Variants in ANO6 observed in about 807,000 individuals in gnomAD.
The protein encoded by ANO6 is anoctamin 6.
In ANO6, 106 loss-of-function variants were observed where a neutral mutation model predicts 117.5. The observed-to-expected ratio is 0.90, with a 90% CI of 0.77 to 1.06. The LOEUF (loss-of-function observed/expected upper bound fraction) is 1.06. ANO6 is among the 50% of genes least tolerant of loss of function. ANO6 has a pLI of 0.00. For synonymous variants in ANO6, 367 were observed against 385.1 expected, an observed-to-expected ratio of 0.95 and a Z score of 0.55; for missense variants, 955 against 1,121.1, an observed-to-expected ratio of 0.85 and a Z score of 2.12.
chr12:45,347,391 A>G (rs949335278), intron 4 of ANO6: 2 of 370,934 alleles, frequency 5.4e-6, no homozygotes, highest in African/African-American at 2.1e-5. Flanking sequence ...ATGGTAAAAA[A>G]TTAGAAAACA....
chr12:45,417,260 T>C (rs35634751), intron 17 of ANO6, among the ~76,000 whole-genome samples: 21,392 of 152,154 alleles, frequency 0.14, 2,202 homozygotes, highest in East Asian at 0.35. Context: ...AATCTGTTCA[T>C]TTAGAGTTTG....
intron 3 of ANO6, among the ~76,000 whole-genome samples, chr12:45,345,947 G>C (rs1941119455): frequency 6.6e-6 from 1 of 150,686 alleles, no homozygotes; most frequent in African/African-American, 2.4e-5. Context: ...CCCCCACGGT[G>C]GTGGGGGAGA....
intron 9 of ANO6, among the ~76,000 whole-genome samples, chr12:45,374,883 G>T (rs1356591456): frequency 6.6e-6 from 1 of 152,114 alleles, no homozygotes; most frequent in African/African-American, 2.4e-5. Flanking sequence ...GAAATAAAGG[G>T]TATTCAATTA....
At chr12:45,219,756 C>T (rs1266286506) in intron 1 of ANO6, among the ~76,000 whole-genome samples, 1 of 152,124 alleles carries the variant, frequency 6.6e-6, no homozygotes, top group Non-Finnish European at 1.5e-5. Context: ...AAGTTACAGC[C>T]AGCAGAAATT....
At chr12:45,231,029 C>G (rs1232706605) in intron 1 of ANO6, among the ~76,000 whole-genome samples, 1 of 152,090 alleles carries the variant, frequency 6.6e-6, no homozygotes, top group Non-Finnish European at 1.5e-5. Flanking sequence ...ACTGCTTGAG[C>G]CCAGGAGGCG....
At chr12:45,325,066 G>A (rs1940413772) in intron 2 of ANO6, among the ~76,000 whole-genome samples, 1 of 152,186 alleles carries the variant, frequency 6.6e-6, no homozygotes, top group Non-Finnish European at 1.5e-5. Context: ...ATCAGAGGAT[G>A]AGCAGAGGGG....
intron 19 of ANO6, among the ~76,000 whole-genome samples, chr12:45,424,020 GTTCT>G (rs1211885924): frequency 6.6e-6 from 1 of 150,520 alleles, no homozygotes; most frequent in Non-Finnish European, 1.5e-5. Context: ...ACTTATACTA[GTTCT>G]TTTTTTTTTT....
At chr12:45,348,746 A>G (rs928101182) in intron 6 of ANO6, 115 bp downstream of exon 6, 6 of 792,746 alleles carry the variant, frequency 7.6e-6, no homozygotes, top group Admixed American at 5.7e-5. Flanking sequence ...TGAAGGGAAC[A>G]TACTGCAAGA....
chr12:45,375,272 A>T (rs1334054395), intron 9 of ANO6, among the ~76,000 whole-genome samples: 1 of 152,220 alleles, frequency 6.6e-6, no homozygotes, highest in Admixed American at 6.5e-5. Context: ...GAAAATGGCC[A>T]TACTTCCCAA....
intron 18 of ANO6, among the ~76,000 whole-genome samples, chr12:45,422,342 C>T (rs1296495150): frequency 1.3e-5 from 2 of 152,066 alleles, no homozygotes; most frequent in Non-Finnish European, 2.9e-5. Flanking sequence ...ATCCCCAAAA[C>T]AGGAATTGTT....
At chr12:45,371,816 A>G (rs1941846602) in intron 9 of ANO6, among the ~76,000 whole-genome samples, 3 of 152,240 alleles carry the variant, frequency 2.0e-5, no homozygotes, top group Non-Finnish European at 2.9e-5. Flanking sequence ...CTCCTCCTCC[A>G]AAGGAACGCA....
At chr12:45,414,767 CT>C (rs1943172024) in intron 16 of ANO6, among the ~76,000 whole-genome samples, 5 of 152,066 alleles carry the variant, frequency 3.3e-5, no homozygotes, top group Admixed American at 6.6e-5. Context: ...TTCAGCTTTT[CT>C]TTTCTTTCTT....
rs539410084 is a variant in ANO6 at position 45,261,397 on chromosome 12, T to C, written c.71-40617T>C. Among the ~76,000 whole-genome samples the C allele has an allele frequency of 7.2e-5, 11 of 151,754 alleles. No individual in the cohort carries two copies. In the South Asian group the frequency reaches 2.1e-3, roughly 29 times the overall value. On this transcript the variant is annotated intron_variant, in intron 1 of 19. Coordinates refer to ENST00000320560, the MANE Select transcript of ANO6 (RefSeq NM_001025356.3). ...ATCTAAAGAGGGGAAAGGAAGGAAATTAATGATATTGATTGGACAACTGCT... is the reference window on the plus strand; with the variant it reads ...ATCTAAAGAGGGGAAAGGAAGGAAACTAATGATATTGATTGGACAACTGCT...
At chr12:45,220,211 C>T (rs75200127) in intron 1 of ANO6, among the ~76,000 whole-genome samples, 1 of 152,048 alleles carries the variant, frequency 6.6e-6, no homozygotes, top group Non-Finnish European at 1.5e-5. Flanking sequence ...TCAGACTGTT[C>T]AGATAATGAG....
intron 1 of ANO6, among the ~76,000 whole-genome samples, chr12:45,285,683 C>T (rs1407592341): frequency 2.0e-5 from 3 of 150,614 alleles, no homozygotes; most frequent in African/African-American, 7.3e-5. Context: ...GAGCCGAGAT[C>T]GCGCCACTGC....
chr12:45,320,445 A>C (rs1271617565), intron 2 of ANO6, among the ~76,000 whole-genome samples: 2 of 152,094 alleles, frequency 1.3e-5, no homozygotes, highest in Non-Finnish European at 2.9e-5. Context: ...GAGTTTCTTA[A>C]TCCTGAGTTC....
At chr12:45,259,678 C>T (rs957649221) in intron 1 of ANO6, among the ~76,000 whole-genome samples, 1 of 152,164 alleles carries the variant, frequency 6.6e-6, no homozygotes, top group African/African-American at 2.4e-5. Context: ...CCAACTAAGC[C>T]ATTATAGTAT....
At chr12:45,219,153 A>G (rs900386378) in intron 1 of ANO6, among the ~76,000 whole-genome samples, 2 of 152,054 alleles carry the variant, frequency 1.3e-5, no homozygotes, top group African/African-American at 4.8e-5. Context: ...GGGCGTTATA[A>G]TGGCCTAATT....
chr12:45,252,172 T>G (rs142915960), intron 1 of ANO6, among the ~76,000 whole-genome samples: 46 of 152,342 alleles, frequency 3.0e-4, no homozygotes, highest in Non-Finnish European at 6.5e-4. Context: ...TAAAGAAGCT[T>G]GTGATAGTGC....
Sources: gnomAD v4.1 joint callset for allele counts (sites outside exome capture counted in the v4.1 genomes callset) on GRCh38, gnomAD v4.1.1 for gene constraint, MANE v1.5 for transcripts, NCBI Gene and HGNC (gene_info 2026-07-23, HGNC 2026-07-21) for gene names.